SNX13: variants seen among roughly 807,000 people sequenced by gnomAD.
The protein encoded by SNX13 is sorting nexin 13, also known as sorting nexin-13.
SNX13 carries 45 observed loss-of-function variants against 133.6 expected under a neutral mutation model. The observed-to-expected ratio is 0.34, with a 90% CI of 0.27 to 0.43. The LOEUF is 0.43. Among genes scored for constraint, SNX13 ranks in the 20% least tolerant of loss-of-function variants. SNX13 has a pLI of 1.00. For synonymous variants in SNX13, 414 were observed against 373.9 expected (o/e 1.11, Z -1.24); for missense variants, 1,032 against 1,145.1 (o/e 0.90, Z 1.43).
chr7:17,940,214 G>T lies in SNX13; in HGVS notation c.12+70C>A, dbSNP rs1802668333. The stretch of plus-strand genomic sequence containing the variant: ...CAGGCCCACCTTCCGTACAGATGAT[G>T]TTCTCTGACGGGCTGGCGCCGGCCC... On this transcript the variant is annotated intron_variant, in intron 1 of 25. Transcript: ENST00000428135. 8.4e-6 allele frequency: 13 copies of T among 1,547,154 alleles called. No homozygotes were observed. In the South Asian group the frequency reaches 1.5e-4, roughly 18 times the overall value.
At chr7:17,877,817 T>A (rs1794895745) in intron 5 of SNX13, among the ~76,000 whole-genome samples, 1 of 152,046 alleles carries the variant, frequency 6.6e-6, no homozygotes, top group African/African-American at 2.4e-5. Context: ...GGAAAAACAG[T>A]ACCGATATCT....
chr7:17,816,156 G>A, intron 19 of SNX13, 26 bp downstream of exon 19: 2 of 1,507,362 alleles, frequency 1.3e-6, no homozygotes, highest in Non-Finnish European at 1.8e-6. Flanking sequence ...ATGAAAATCT[G>A]TGGATTATAG....
rs571942128 is a variant in SNX13, at chr7:17,811,895, G to A, written c.2064+2939C>T. 1.2e-4 allele frequency among the ~76,000 whole-genome samples: 19 copies of A among 152,220 alleles called. No homozygotes were observed. The South Asian group carries it at 3.7e-3, about 30-fold the overall frequency. On this transcript the variant is annotated intron_variant, in intron 20 of 25. Transcript: ENST00000428135. ...AACCCTGACAAAAACAAGCAATAGGGAAAGGATTTTCTATTTAATAAATGG... is the reference window on the plus strand; with the variant it reads ...AACCCTGACAAAAACAAGCAATAGGAAAAGGATTTTCTATTTAATAAATGG...
At position 17,933,598 on chromosome 7, in the gene SNX13, C is replaced by G. The variant is rs1369601682; in HGVS notation, c.12+6686G>C. 3.3e-5 allele frequency among the ~76,000 whole-genome samples: 5 copies of G among 151,218 alleles called. No individual in the cohort carries two copies. In the South Asian group the frequency reaches 1.1e-3, roughly 32 times the overall value. On this transcript the variant is annotated intron_variant, in intron 1 of 25. Coordinates refer to ENST00000428135, the MANE Select transcript of SNX13 (RefSeq NM_015132.5). ...TAAGGCATTCATTGAAATCGGTTTA[C>G]CAACCACACAAGAAACTATCCCCTT...
chr7:17,892,433 T>G (rs1182634764), intron 3 of SNX13, among the ~76,000 whole-genome samples: 2 of 150,364 alleles, frequency 1.3e-5, no homozygotes, highest in Non-Finnish European at 3.0e-5. Context: ...GCCACTCAAA[T>G]GAAGTACACT....
intron 1 of SNX13, among the ~76,000 whole-genome samples, chr7:17,913,669 T>A (rs1799236941): frequency 7.0e-6 from 1 of 143,248 alleles, no homozygotes; most frequent in Non-Finnish European, 1.5e-5. Context: ...AGCCAACTGA[T>A]CACAAGCAAC....
intron 5 of SNX13, among the ~76,000 whole-genome samples, chr7:17,877,247 T>C (rs73081381): frequency 0.085 from 12,961 of 152,050 alleles, 702 homozygotes; most frequent in Non-Finnish European, 0.12. Flanking sequence ...CGAGGATGAA[T>C]TAATTAACAT....
chr7:17,848,078 A>T (rs530147338), intron 11 of SNX13, among the ~76,000 whole-genome samples: 1 of 152,098 alleles, frequency 6.6e-6, no homozygotes, highest in African/African-American at 2.4e-5. Context: ...TAAACCACCC[A>T]TGGCCGCACA....
chr7:17,892,946 G>A lies in SNX13; in HGVS notation c.228+386C>T, dbSNP rs1325178332. ...CTAATTACAAGCTGTATTTTTCAAA[G>A]TAATGAAAAGTATCCATTTTTTCCT... On this transcript the variant is annotated intron_variant, in intron 3 of 25. Coordinates refer to ENST00000428135, the MANE Select transcript of SNX13 (RefSeq NM_015132.5). 2.6e-5 allele frequency among the ~76,000 whole-genome samples: 4 copies of A among 152,176 alleles called. No individual in the cohort carries two copies. The East Asian group carries it at 7.7e-4, about 29-fold the overall frequency.
Position 17,815,811 on chromosome 7 carries a change from T to G in SNX13, c.1953+371A>C, listed in dbSNP as rs139667386. ...CGACATCTAAAAGATACATTTAGGA[T>G]AAAAGATTTGGGAAAAGGTGGTTTT... On this transcript the variant is annotated intron_variant, in intron 19 of 25. Coordinates refer to ENST00000428135, the MANE Select transcript of SNX13 (RefSeq NM_015132.5). Among the ~76,000 whole-genome samples, 40 of 152,230 alleles carry G rather than the reference T, an allele frequency of 2.6e-4. 1 individual carries two copies. In the East Asian group the frequency reaches 7.3e-3, roughly 28 times the overall value.
intron 1 of SNX13, among the ~76,000 whole-genome samples, chr7:17,932,627 A>G (rs1225686703): frequency 1.3e-5 from 2 of 152,222 alleles, no homozygotes; most frequent in Non-Finnish European, 2.9e-5. Flanking sequence ...AGTTTACTCT[A>G]TTAGGGAAAA....
intron 24 of SNX13, among the ~76,000 whole-genome samples, chr7:17,798,364 C>A (rs1227259831): frequency 6.6e-6 from 1 of 151,764 alleles, no homozygotes; most frequent in Non-Finnish European, 1.5e-5. Context: ...AAAAACTAAT[C>A]CCCAAAACTA....
chr7:17,865,070 C>T (rs1305352347), intron 9 of SNX13, among the ~76,000 whole-genome samples: 1 of 152,178 alleles, frequency 6.6e-6, no homozygotes, highest in Admixed American at 6.5e-5. Context: ...GGGATTTCAT[C>T]AATACCAGAT....
At chr7:17,804,792 T>C (rs1785003194) in intron 20 of SNX13, among the ~76,000 whole-genome samples, 1 of 152,126 alleles carries the variant, frequency 6.6e-6, no homozygotes, top group Non-Finnish European at 1.5e-5. Flanking sequence ...AAATTATGTT[T>C]CATGCAAAAA....
rs769697320 is a variant in SNX13, at chr7:17,801,713, AAC to A, written c.2227-56_2227-55del. ...AACACACTAAAGCAGACAGTGAAAG[AAC>A]ACAACACAATCATAAACCTAAATGA... On this transcript the variant is annotated intron_variant, in intron 21 of 25. Transcript: ENST00000428135. 123 of 1,314,898 alleles carry A rather than the reference AAC, an allele frequency of 9.4e-5. No individual in the cohort carries two copies. In the Middle Eastern group the frequency reaches 0.014, roughly 149 times the overall value. 81.5% of individuals were successfully genotyped at this position (1,314,898 alleles called of 1,614,324 possible).
At chr7:17,835,635 C>G (rs1339258835) in intron 13 of SNX13, among the ~76,000 whole-genome samples, 1 of 151,628 alleles carries the variant, frequency 6.6e-6, no homozygotes, top group Non-Finnish European at 1.5e-5. Flanking sequence ...GTAAATGAGT[C>G]CTAGAGATAA....
chr7:17,899,517 CTGTG>C (rs1372527488), intron 1 of SNX13: 1 of 151,794 alleles, frequency 6.6e-6, no homozygotes, highest in African/African-American at 2.4e-5. Context: ...TTTTTCTCCT[CTGTG>C]TATTTTCAAT....
Position 17,873,569 on chromosome 7 carries a change from G to A in SNX13, c.712C>T (p.Pro238Ser), listed in dbSNP as rs1242795291. 2 of 1,586,906 alleles carry A rather than the reference G, an allele frequency of 1.3e-6. No homozygotes were observed. Among genetic ancestry groups the A allele is most frequent in the Non-Finnish European group, 1.7e-6 (2 of 1,167,002 alleles). ...ATGATCTTGTTCTGGAAATCTCCAG[G>A]AGGTAGCAATAAATATAGTAAGACC... ...CEVLLYLLLP[P>S]GDFQNKIMRY... Residue 238 changes from proline (P) to serine (S), a missense_variant, in exon 8 of 26, where the codon CCT becomes TCT. Physicochemically the swap from Pro to Ser is moderately conservative, Grantham distance 74. Transcript: ENST00000428135.
chr7:17,938,435 A>G (rs998234418), intron 1 of SNX13, among the ~76,000 whole-genome samples: 6 of 152,196 alleles, frequency 3.9e-5, no homozygotes, highest in African/African-American at 1.4e-4. Context: ...ACGACTACTG[A>G]AAACTATAGG....
Sources: allele counts gnomAD v4.1 joint callset (sites outside exome capture counted in the v4.1 genomes callset), GRCh38; gene constraint gnomAD v4.1.1; transcripts MANE v1.5; gene names NCBI Gene and HGNC (gene_info 2026-07-23, HGNC 2026-07-21).